SPPL3: variants seen among roughly 807,000 people sequenced by gnomAD.
SPPL3 encodes signal peptide peptidase-like 3.
Under a neutral mutation model 42.4 loss-of-function variants are expected in SPPL3, and 5 were observed. That is an observed-to-expected ratio of 0.12 (90% CI 0.06 to 0.25). SPPL3 has a LOEUF of 0.25. SPPL3 is among the 10% of genes least tolerant of loss of function. The pLI, the probability that SPPL3 is intolerant of heterozygous loss-of-function variation, is 1.00. For synonymous variants in SPPL3, 195 were observed against 181.8 expected (o/e 1.07, Z -0.58); for missense variants, 235 against 489.0 (o/e 0.48, Z 4.90).
rs138833547 is a variant in SPPL3 at position 120,822,520 on chromosome 12, T to C, written c.24-11634A>G. On this transcript the variant is annotated intron_variant, in intron 1 of 10. Transcript: ENST00000353487. ...TGAATGCTACAGATTGACATTTAGT[T>C]ATTTCCTGGGGGCTAACCTCTCCTA... Among the ~76,000 whole-genome samples the C allele has an allele frequency of 3.4e-3, 515 of 152,314 alleles. 3 individuals carry two copies. Among genetic ancestry groups the C allele is most frequent in the African/African-American group, 0.012 (498 of 41,564 alleles).
chr12:120,780,519 C>T (rs1292794663), intron 6 of SPPL3, among the ~76,000 whole-genome samples: 5 of 142,640 alleles, frequency 3.5e-5, no homozygotes, highest in African/African-American at 1.0e-4. Flanking sequence ...GAGGCCGAGG[C>T]GGGAGGATCG....
intron 1 of SPPL3, among the ~76,000 whole-genome samples, chr12:120,812,220 C>T (rs534803): frequency 0.038 from 5,725 of 151,850 alleles, 366 homozygotes; most frequent in African/African-American, 0.13. Context: ...CTGCAACCTC[C>T]GCCTCCTGGG....
intron 1 of SPPL3, among the ~76,000 whole-genome samples, chr12:120,892,136 T>C (rs1229242450): frequency 6.6e-6 from 1 of 152,178 alleles, no homozygotes; most frequent in African/African-American, 2.4e-5. Context: ...AGGGAGACAT[T>C]CTATTCTAAA....
chr12:120,890,125 G>A (rs556212447), intron 1 of SPPL3, among the ~76,000 whole-genome samples: 3 of 152,122 alleles, frequency 2.0e-5, no homozygotes, highest in African/African-American at 7.2e-5. Context: ...GTGCATGCCT[G>A]TAATCCCAAC....
At chr12:120,895,364 T>C (rs1593016015) in intron 1 of SPPL3, among the ~76,000 whole-genome samples, 1 of 151,502 alleles carries the variant, frequency 6.6e-6, no homozygotes, top group Non-Finnish European at 1.5e-5. Flanking sequence ...GAGGTAGAGG[T>C]TGCAGTGAGC....
chr12:120,775,296 G>A (rs1336557078), intron 6 of SPPL3, among the ~76,000 whole-genome samples: 4 of 152,106 alleles, frequency 2.6e-5, no homozygotes, highest in Non-Finnish European at 4.4e-5. Context: ...GACTACAGGT[G>A]CATGCCAGCA....
chr12:120,808,775 G>A (rs1870585849), intron 2 of SPPL3, among the ~76,000 whole-genome samples: 1 of 152,186 alleles, frequency 6.6e-6, no homozygotes, highest in African/African-American at 2.4e-5. Context: ...CTATGAAAAT[G>A]TATACAGTAT....
chr12:120,849,529 A>T (rs1872155483), intron 1 of SPPL3, among the ~76,000 whole-genome samples: 1 of 152,226 alleles, frequency 6.6e-6, no homozygotes, highest in Admixed American at 6.5e-5. Flanking sequence ...CATGTTGAGA[A>T]GATTTCCTTT....
At chr12:120,902,499 C>G (rs569762194) in intron 1 of SPPL3, among the ~76,000 whole-genome samples, 1 of 152,246 alleles carries the variant, frequency 6.6e-6, no homozygotes, top group South Asian at 2.1e-4. Flanking sequence ...TTGCCAAGTG[C>G]TTTCTAAATG....
In SPPL3 at chr12:120,768,748, TCACA is replaced by T; in HGVS notation, c.609+201_609+204del. On this transcript the variant is annotated intron_variant, in intron 7 of 10. Transcript: ENST00000353487. Reference sequence around the variant, plus strand: ...CCTGTTACCTCTTCTATCCTAGGAGTCACACACACACACTACCTACTGTACGACT... The same window carrying T: ...CCTGTTACCTCTTCTATCCTAGGAGTCACACACACTACCTACTGTACGACT... 7 of 621,990 alleles carry T rather than the reference TCACA, an allele frequency of 1.1e-5. No individual in the cohort carries two copies. In the South Asian group the frequency reaches 1.4e-4, roughly 13 times the overall value. The allele number at this position is 621,990 out of a possible 1,614,324, so 38.5% of individuals were successfully genotyped here. A position where few individuals can be genotyped will look rare whatever the true frequency, so the allele number is the denominator to read the frequency against.
chr12:120,816,455 G>A (rs958210758), intron 1 of SPPL3, among the ~76,000 whole-genome samples: 8 of 152,202 alleles, frequency 5.3e-5, no homozygotes, highest in African/African-American at 1.9e-4. Flanking sequence ...ATTATTTTAC[G>A]ATGTTATTTG....
chr12:120,788,796 C>T (rs1012779485), intron 3 of SPPL3, among the ~76,000 whole-genome samples: 1 of 152,164 alleles, frequency 6.6e-6, no homozygotes, highest in Non-Finnish European at 1.5e-5. Flanking sequence ...TAAATTTATA[C>T]TTTCTTTTTC....
At chr12:120,825,702 AT>A (rs922481832) in intron 1 of SPPL3, among the ~76,000 whole-genome samples, 3 of 152,242 alleles carry the variant, frequency 2.0e-5, no homozygotes, top group African/African-American at 7.2e-5. Flanking sequence ...ACCTGAAAAC[AT>A]TGCTTTTATT....
intron 6 of SPPL3, among the ~76,000 whole-genome samples, chr12:120,780,206 T>C (rs983353965): frequency 3.4e-5 from 5 of 148,578 alleles, no homozygotes; most frequent in African/African-American, 1.2e-4. Context: ...TGGGAGCCAA[T>C]GCACTGGCCC....
intron 1 of SPPL3, among the ~76,000 whole-genome samples, chr12:120,818,533 T>C (rs1304875083): frequency 6.6e-6 from 1 of 152,248 alleles, no homozygotes; most frequent in Non-Finnish European, 1.5e-5. Flanking sequence ...CAAGTGCTTA[T>C]AACACATATC....
intron 1 of SPPL3, 124 bp downstream of exon 1, chr12:120,903,721 C>A: frequency 1.5e-6 from 1 of 660,118 alleles, no homozygotes; most frequent in Non-Finnish European, 2.3e-6. Flanking sequence ...GGGGCGTGCA[C>A]CCCAACCCGC....
chr12:120,842,105 G>C (rs1363422386), intron 1 of SPPL3, among the ~76,000 whole-genome samples: 1 of 152,198 alleles, frequency 6.6e-6, no homozygotes, highest in Non-Finnish European at 1.5e-5. Context: ...ACTGTGTACA[G>C]TATTCCAGAT....
intron 4 of SPPL3, 73 bp from the exon 5 acceptor site, chr12:120,783,825 C>T (rs7137504): frequency 0.47 from 615,466 of 1,309,940 alleles, 149,632 homozygotes; most frequent in Admixed American, 0.61. Context: ...AACTTCATTC[C>T]GCCAAACACT....
chr12:120,821,754 TAACTG>T (rs1481671384), intron 1 of SPPL3, among the ~76,000 whole-genome samples: 1 of 152,090 alleles, frequency 6.6e-6, no homozygotes, highest in South Asian at 2.1e-4. Context: ...TTGCCCCAAA[TAACTG>T]AAAGCAGGGA....
Sources: gnomAD v4.1 joint callset for allele counts (sites outside exome capture counted in the v4.1 genomes callset) on GRCh38, gnomAD v4.1.1 for gene constraint, MANE v1.5 for transcripts, NCBI Gene and HGNC (gene_info 2026-07-23, HGNC 2026-07-21) for gene names.